The following CSMD1 variants were observed in gnomAD, a reference collection of about 807,000 sequenced individuals.
The protein encoded by CSMD1 is CUB and Sushi multiple domains 1, also known as CUB and sushi domain-containing protein 1.
A neutral mutation model predicts 417.5 loss-of-function variants in CSMD1; 213 were observed. The observed-to-expected ratio is 0.51, with a 90% CI of 0.46 to 0.57. CSMD1 has a LOEUF of 0.57. CSMD1 is among the 20% of genes least tolerant of loss of function. The pLI is 0.00. For synonymous variants in CSMD1, 2,862 were observed against 1,736.8 expected (o/e 1.65, Z -16.11); for missense variants, 6,923 against 4,529.7 (o/e 1.53, Z -15.17).
At chr8:3,412,965 T>A (rs1349250637) in intron 12 of CSMD1, among the ~76,000 whole-genome samples, 2 of 152,180 alleles carry the variant, frequency 1.3e-5, no homozygotes, top group Non-Finnish European at 2.9e-5. Flanking sequence ...ATAGCACAAA[T>A]CTGTGCAGTC....
chr8:3,674,837 C>T (rs1045224840), intron 7 of CSMD1, among the ~76,000 whole-genome samples: 8 of 152,118 alleles, frequency 5.3e-5, no homozygotes, highest in African/African-American at 1.9e-4. Flanking sequence ...TATCAGGGCA[C>T]TTTGCAGTAA....
chr8:3,630,686 G>C (rs1356389516), intron 7 of CSMD1, among the ~76,000 whole-genome samples: 2 of 151,580 alleles, frequency 1.3e-5, no homozygotes, highest in African/African-American at 4.9e-5. Context: ...TGAGAGAAAT[G>C]TGTGAGTGGT....
intron 27 of CSMD1, among the ~76,000 whole-genome samples, chr8:3,225,306 T>C (rs545665701): frequency 4.6e-5 from 7 of 152,274 alleles, no homozygotes; most frequent in African/African-American, 9.6e-5. Context: ...ACATTTATAA[T>C]AATAAATTCC....
chr8:3,998,446 G>A (rs1815396427), intron 4 of CSMD1, among the ~76,000 whole-genome samples: 1 of 152,214 alleles, frequency 6.6e-6, no homozygotes. Context: ...CCTGGAAGAT[G>A]ACACTATGTA....
chr8:3,981,051 G>C (rs965534435), intron 5 of CSMD1, among the ~76,000 whole-genome samples: 1 of 152,104 alleles, frequency 6.6e-6, no homozygotes. Flanking sequence ...TTTTCCCACA[G>C]TCAAAAACGC....
chr8:4,024,848 T>G (rs1796981259), intron 4 of CSMD1, among the ~76,000 whole-genome samples: 1 of 152,186 alleles, frequency 6.6e-6, no homozygotes. Context: ...GCAATGCTGC[T>G]GAGAATTGTT....
rs148339725 is a variant in CSMD1, at chr8:3,220,285, C to T, written c.4485-843G>A. Among the ~76,000 whole-genome samples the T allele has an allele frequency of 2.1e-3, 312 of 151,884 alleles. 2 individuals carry two copies. The highest frequency in any genetic ancestry group is 7.1e-3 in the African/African-American group (293 of 41,434). ...CCCAGTTTTTTTTCTCTGTCCCTCT[C>T]TTTCTTTCTCTCACTTTCTCCATTT... On this transcript the variant is annotated intron_variant, in intron 28 of 69. Transcript: ENST00000635120.
intron 1 of CSMD1, among the ~76,000 whole-genome samples, chr8:4,958,285 G>C (rs779178513): frequency 3.9e-5 from 6 of 152,024 alleles, no homozygotes; most frequent in South Asian, 2.1e-4. Context: ...GCACATATTT[G>C]ACACATCAAT....
chr8:3,119,798 A>C (rs1400200372), intron 41 of CSMD1, among the ~76,000 whole-genome samples: 2 of 152,168 alleles, frequency 1.3e-5, no homozygotes, highest in African/African-American at 4.8e-5. Context: ...ACCATGCAGC[A>C]CCAGTTCTGG....
chr8:3,665,930 T>C (rs939190066), intron 7 of CSMD1, among the ~76,000 whole-genome samples: 2 of 152,098 alleles, frequency 1.3e-5, no homozygotes, highest in African/African-American at 2.4e-5. Flanking sequence ...CAGGCTGGAG[T>C]GCAGTGGAGT....
intron 3 of CSMD1, among the ~76,000 whole-genome samples, chr8:4,353,804 G>C (rs188942219): frequency 5.3e-5 from 8 of 151,952 alleles, no homozygotes; most frequent in African/African-American, 1.9e-4. Context: ...TAAATGGCTC[G>C]ATCATTAAAA....
At chr8:4,368,602 A>G (rs1216812159) in intron 3 of CSMD1, among the ~76,000 whole-genome samples, 3 of 152,100 alleles carry the variant, frequency 2.0e-5, no homozygotes, top group Non-Finnish European at 4.4e-5. Context: ...CATTTGGTCC[A>G]GGACTTTTGG....
intron 1 of CSMD1, among the ~76,000 whole-genome samples, chr8:4,739,286 C>G (rs1250467120): frequency 6.6e-6 from 1 of 152,176 alleles, no homozygotes; most frequent in Non-Finnish European, 1.5e-5. Context: ...CTTGGAACTC[C>G]TACAGATTAA....
chr8:3,784,702 A>G (rs2720746), intron 5 of CSMD1, among the ~76,000 whole-genome samples: 132,510 of 152,248 alleles, frequency 0.87, 58,028 homozygotes, highest in Non-Finnish European at 0.93. Context: ...TCCTGGAAAT[A>G]TGCTATTATT....
chr8:3,503,909 T>C (rs542101937), intron 10 of CSMD1, among the ~76,000 whole-genome samples: 36 of 151,106 alleles, frequency 2.4e-4, no homozygotes, highest in African/African-American at 8.5e-4. Context: ...AGATCAACTT[T>C]TTAAACTTCC....
rs375618919 is a variant in CSMD1, at chr8:4,233,208, A to AT, written c.415+186744dup. ...TATTGAAAACATATCATTTTCTTCA[A>AT]TTTTTTCTTTTTCTTTTTGAAGTTA... On this transcript the variant is annotated intron_variant, in intron 3 of 69. Coordinates refer to ENST00000635120, the MANE Select transcript of CSMD1 (RefSeq NM_033225.6). Among the ~76,000 whole-genome samples the AT allele has an allele frequency of 2.0e-3, 308 of 152,222 alleles. 2 individuals carry two copies. Among genetic ancestry groups the AT allele is most frequent in the African/African-American group, 7.2e-3 (297 of 41,508 alleles).
chr8:4,465,603 T>A (rs997539464), intron 2 of CSMD1, among the ~76,000 whole-genome samples: 6 of 152,306 alleles, frequency 3.9e-5, no homozygotes, highest in Non-Finnish European at 5.9e-5. Flanking sequence ...AAGTCAGACG[T>A]TGAGGATTAT....
chr8:3,750,715 A>C (rs1049367219), intron 6 of CSMD1, among the ~76,000 whole-genome samples: 1 of 152,106 alleles, frequency 6.6e-6, no homozygotes, highest in Non-Finnish European at 1.5e-5. Context: ...TGATGATCTT[A>C]CTCGCAAAAA....
intron 3 of CSMD1, among the ~76,000 whole-genome samples, chr8:4,035,985 TA>T (rs1449473753): frequency 6.6e-6 from 1 of 152,270 alleles, no homozygotes; most frequent in African/African-American, 2.4e-5. Flanking sequence ...CACTTTTTTT[TA>T]TTTTTAATGC....
Sources: gnomAD v4.1 joint callset for allele counts (sites outside exome capture counted in the v4.1 genomes callset) on GRCh38, gnomAD v4.1.1 for gene constraint, MANE v1.5 for transcripts, NCBI Gene and HGNC (gene_info 2026-07-23, HGNC 2026-07-21) for gene names.